The following CSMD2 variants were observed in gnomAD, a reference collection of about 807,000 sequenced individuals.
CSMD2 encodes the protein CUB and Sushi multiple domains 2, also known as CUB and sushi domain-containing protein 2.
In CSMD2, 130 loss-of-function variants were observed where a neutral mutation model predicts 398.5. That is an observed-to-expected ratio of 0.33 (90% CI 0.28 to 0.38). The LOEUF is 0.38. Among genes scored for constraint, CSMD2 ranks in the 10% least tolerant of loss-of-function variants. The probability of loss-of-function intolerance (pLI) is 1.00; values close to 1 mark genes in which losing one functional copy is unlikely to be tolerated. For synonymous variants in CSMD2, 1,828 were observed against 1,908.5 expected, an observed-to-expected ratio of 0.96 and a Z score of 1.10; for missense variants, 3,829 against 4,764.9, an observed-to-expected ratio of 0.80 and a Z score of 5.78.
At chr1:33,994,285 G>A (rs1046526414) in intron 3 of CSMD2, among the ~76,000 whole-genome samples, 12 of 152,032 alleles carry the variant, frequency 7.9e-5, no homozygotes, top group African/African-American at 2.2e-4. Context: ...GTAGGTGAGC[G>A]AGAGGAAGAA....
At chr1:34,117,106 C>G (rs1054545990) in intron 1 of CSMD2, among the ~76,000 whole-genome samples, 1 of 151,586 alleles carries the variant, frequency 6.6e-6, no homozygotes, top group Non-Finnish European at 1.5e-5. Flanking sequence ...CAAACTAAAC[C>G]TAGAGTTATC....
chr1:33,675,180 T>A (rs1277793769), intron 25 of CSMD2, among the ~76,000 whole-genome samples: 2 of 152,040 alleles, frequency 1.3e-5, no homozygotes, highest in African/African-American at 4.8e-5. Flanking sequence ...GCTAGTTTTT[T>A]GAAAAGATCA....
At chr1:33,631,717 A>G (rs1192919440) in intron 32 of CSMD2, among the ~76,000 whole-genome samples, 2 of 152,184 alleles carry the variant, frequency 1.3e-5, no homozygotes, top group African/African-American at 2.4e-5. Context: ...ATGGAGAGAC[A>G]TATTGTATTC....
At chr1:33,583,574 C>T in intron 47 of CSMD2, 68 bp downstream of exon 47, 1 of 1,485,204 alleles carries the variant, frequency 6.7e-7, no homozygotes, top group East Asian at 2.3e-5. Flanking sequence ...GCAGCACAGA[C>T]TCCTCGGGTT....
chr1:33,573,762 A>C (rs1470761189), intron 49 of CSMD2, among the ~76,000 whole-genome samples: 1 of 152,202 alleles, frequency 6.6e-6, no homozygotes, highest in Non-Finnish European at 1.5e-5. Flanking sequence ...CATAGATGAA[A>C]ATTTCTCAGA....
intron 23 of CSMD2, among the ~76,000 whole-genome samples, chr1:33,699,510 T>C (rs901074468): frequency 2.0e-5 from 3 of 152,192 alleles, no homozygotes; most frequent in African/African-American, 7.2e-5. Flanking sequence ...TTAAATAAAT[T>C]GTTCCAAACT....
intron 50 of CSMD2, 65 bp from the exon 51 acceptor site, chr1:33,571,791 G>T (rs1659622278): frequency 8.1e-7 from 1 of 1,240,090 alleles, no homozygotes; most frequent in Non-Finnish European, 1.1e-6. Flanking sequence ...CCTTGTAAGA[G>T]CCCAGATCTA....
intron 13 of CSMD2, among the ~76,000 whole-genome samples, chr1:33,753,325 AG>A: frequency 6.6e-6 from 1 of 152,358 alleles, no homozygotes; most frequent in Admixed American, 6.5e-5. Context: ...GTGCAGCCTC[AG>A]AACATCGCTC....
intron 3 of CSMD2, among the ~76,000 whole-genome samples, chr1:34,001,608 C>A (rs1646905398): frequency 6.6e-6 from 1 of 152,194 alleles, no homozygotes; most frequent in Non-Finnish European, 1.5e-5. Flanking sequence ...ATGAACCTTT[C>A]TTGTAAGAAG....
intron 15 of CSMD2, among the ~76,000 whole-genome samples, chr1:33,734,118 C>G (rs182340829): frequency 6.6e-6 from 1 of 152,214 alleles, no homozygotes; most frequent in African/African-American, 2.4e-5. Context: ...TGAGCTACCA[C>G]CACCACTTAG....
chr1:33,886,432 C>G (rs886917002), intron 5 of CSMD2, among the ~76,000 whole-genome samples: 29 of 152,140 alleles, frequency 1.9e-4, no homozygotes, highest in African/African-American at 5.6e-4. Context: ...CAGGACTTGG[C>G]AACCAAGAGA....
chr1:33,751,038 A>G (rs1648160372), intron 13 of CSMD2, among the ~76,000 whole-genome samples: 5 of 152,136 alleles, frequency 3.3e-5, no homozygotes, highest in Admixed American at 3.3e-4. Context: ...TCCTTCATCT[A>G]TGAAGAATTG....
At chr1:33,650,016 C>A (rs960080241) in intron 28 of CSMD2, among the ~76,000 whole-genome samples, 2 of 152,134 alleles carry the variant, frequency 1.3e-5, no homozygotes, top group East Asian at 1.9e-4. Flanking sequence ...GGTCTTCTTG[C>A]CCCTGTAATT....
intron 1 of CSMD2, among the ~76,000 whole-genome samples, chr1:34,092,887 G>T (rs1010962076): frequency 3.3e-5 from 5 of 151,962 alleles, no homozygotes; most frequent in African/African-American, 1.2e-4. Flanking sequence ...CGGAAAGCTC[G>T]AACTGGGTGG....
In CSMD2 at chr1:33,926,760, T is replaced by C. The variant is rs796401173; in HGVS notation, c.713-8459A>G. 7.9e-5 allele frequency among the ~76,000 whole-genome samples: 12 copies of C among 152,376 alleles called. No homozygotes were observed. In the South Asian group the frequency reaches 1.0e-3, roughly 13 times the overall value. On this transcript the variant is annotated intron_variant, in intron 4 of 70. Coordinates refer to ENST00000373381, the MANE Select transcript of CSMD2 (RefSeq NM_001281956.2). The stretch of plus-strand genomic sequence containing the variant: ...CATATTCTCAGGTGCAGGTGTGTTA[T>C]GCTGATAGTTGCCTTTCCAAGTTTA...
At chr1:34,029,760 C>G (rs1650174563) in intron 3 of CSMD2, among the ~76,000 whole-genome samples, 1 of 152,240 alleles carries the variant, frequency 6.6e-6, no homozygotes, top group Admixed American at 6.5e-5. Context: ...TAGAGACTCG[C>G]TCGGCTACAG....
At chr1:34,075,470 G>A (rs1656224104) in intron 2 of CSMD2, among the ~76,000 whole-genome samples, 1 of 152,232 alleles carries the variant, frequency 6.6e-6, no homozygotes, top group South Asian at 2.1e-4. Flanking sequence ...GGTGTCTGAC[G>A]CCAGTTGAGT....
chr1:33,975,974 CT>C (rs1645948399), intron 3 of CSMD2, among the ~76,000 whole-genome samples: 1 of 152,252 alleles, frequency 6.6e-6, no homozygotes, highest in Non-Finnish European at 1.5e-5. Context: ...AAGATCCCTC[CT>C]GACATCCAAA....
intron 5 of CSMD2, among the ~76,000 whole-genome samples, chr1:33,879,254 C>G (rs1641064704): frequency 6.6e-6 from 1 of 152,182 alleles, no homozygotes; most frequent in African/African-American, 2.4e-5. Context: ...GTCCTCCCCA[C>G]CACCTCCCAC....
Sources: allele counts gnomAD v4.1 joint callset (sites outside exome capture counted in the v4.1 genomes callset), GRCh38; gene constraint gnomAD v4.1.1; transcripts MANE v1.5; gene names NCBI Gene and HGNC (gene_info 2026-07-23, HGNC 2026-07-21).